The following KCNJ6 variants were observed in gnomAD, a reference collection of about 807,000 sequenced individuals.
The protein encoded by KCNJ6 is potassium inwardly rectifying channel subfamily J member 6, also known as G protein-activated inward rectifier potassium channel 2.
In KCNJ6, 9 loss-of-function variants were observed where a neutral mutation model predicts 34.2. That is an observed-to-expected ratio of 0.26 (90% confidence interval 0.16 to 0.46). The LOEUF (loss-of-function observed/expected upper bound fraction) is 0.46, where lower values mean the gene tolerates loss of function less well. Ranked by LOEUF, KCNJ6 falls within the 20% of genes least tolerant of loss-of-function variation. The pLI, the probability that KCNJ6 is intolerant of heterozygous loss-of-function variation, is 1.00. For synonymous variants in KCNJ6, 196 were observed against 207.1 expected, an observed-to-expected ratio of 0.95 and a Z score of 0.46; for missense variants, 236 against 531.3, an observed-to-expected ratio of 0.44 and a Z score of 5.46.
chr21:37,686,718 T>G (rs964452170), intron 3 of KCNJ6, among the ~76,000 whole-genome samples: 3 of 152,056 alleles, frequency 2.0e-5, no homozygotes, highest in Non-Finnish European at 2.9e-5. Context: ...CTGCCCACCC[T>G]GGCCTCCCAA....
chr21:37,729,762 G>A (rs2054874656), intron 2 of KCNJ6, among the ~76,000 whole-genome samples: 1 of 152,200 alleles, frequency 6.6e-6, no homozygotes, highest in Admixed American at 6.5e-5. Context: ...GGAGAAAGAG[G>A]GTGGAAACCT....
At chr21:37,660,048 G>A (rs1176292532) in intron 3 of KCNJ6, among the ~76,000 whole-genome samples, 1 of 152,262 alleles carries the variant, frequency 6.6e-6, no homozygotes, top group Non-Finnish European at 1.5e-5. Flanking sequence ...GCTGGAGGGA[G>A]GCTGCCCTGG....
intron 1 of KCNJ6, among the ~76,000 whole-genome samples, chr21:37,863,786 A>C (rs1266988758): frequency 1.3e-5 from 2 of 148,860 alleles, no homozygotes; most frequent in Non-Finnish European, 3.0e-5. Flanking sequence ...AAAATGCTCC[A>C]TGGCTCCTAA....
chr21:37,712,431 C>G (rs2054757872), intron 3 of KCNJ6, among the ~76,000 whole-genome samples: 1 of 151,712 alleles, frequency 6.6e-6, no homozygotes, highest in African/African-American at 2.4e-5. Flanking sequence ...TGAATTATTT[C>G]TCTTTCCTCC....
intron 1 of KCNJ6, among the ~76,000 whole-genome samples, chr21:37,910,233 A>G (rs1486095823): frequency 6.6e-6 from 1 of 152,168 alleles, no homozygotes; most frequent in Non-Finnish European, 1.5e-5. Flanking sequence ...GCAAAAATGG[A>G]CAGATACACC....
At chr21:37,887,536 A>G (rs2055741871) in intron 1 of KCNJ6, among the ~76,000 whole-genome samples, 1 of 152,182 alleles carries the variant, frequency 6.6e-6, no homozygotes. Flanking sequence ...GCCAGAAATA[A>G]CAGCTGTGTA....
chr21:37,629,595 A>G (rs2054325170), intron 3 of KCNJ6, among the ~76,000 whole-genome samples: 1 of 152,204 alleles, frequency 6.6e-6, no homozygotes, highest in African/African-American at 2.4e-5. Context: ...TTATGTGAAC[A>G]GAGGGAGGAG....
chr21:37,816,737 G>A (rs1381220918), intron 2 of KCNJ6, among the ~76,000 whole-genome samples: 3 of 152,152 alleles, frequency 2.0e-5, no homozygotes, highest in Admixed American at 1.3e-4. Context: ...GGATGGTGGG[G>A]ATGCATGCAG....
chr21:37,831,952 G>C (rs1029838541), intron 2 of KCNJ6, among the ~76,000 whole-genome samples: 4 of 152,154 alleles, frequency 2.6e-5, no homozygotes, highest in African/African-American at 9.7e-5. Context: ...GACAGTAGAA[G>C]GCACACTGAT....
At chr21:37,716,967 A>C (rs1339196724) in intron 2 of KCNJ6, 1 of 154,430 alleles carries the variant, frequency 6.5e-6, no homozygotes, top group African/African-American at 2.4e-5. Context: ...GTTAAAGGAC[A>C]AATGTCATCT....
chr21:37,682,194 A>G (rs79517420), intron 3 of KCNJ6, among the ~76,000 whole-genome samples: 1 of 152,070 alleles, frequency 6.6e-6, no homozygotes, highest in Admixed American at 6.5e-5. Flanking sequence ...ATTCCTTCCC[A>G]TTTCTGGAGG....
rs537041328 is a variant in KCNJ6, at chr21:37,857,387, A to G, written c.-27-16678T>C. Reference sequence around the variant, plus strand: ...ACCAATGTTTAGAGCAACAAGATGAAGATGTGGTACTGGCTATGAGAGCCT... The same window carrying G: ...ACCAATGTTTAGAGCAACAAGATGAGGATGTGGTACTGGCTATGAGAGCCT... On this transcript the variant is annotated intron_variant, in intron 1 of 3. Coordinates refer to ENST00000609713, the MANE Select transcript of KCNJ6 (RefSeq NM_002240.5). 5.9e-5 allele frequency among the ~76,000 whole-genome samples: 9 copies of G among 152,346 alleles called. No homozygotes were observed. In the South Asian group the frequency reaches 1.9e-3, roughly 32 times the overall value.
At chr21:37,663,320 T>C (rs1709821) in intron 3 of KCNJ6, among the ~76,000 whole-genome samples, 87,873 of 151,966 alleles carry the variant, frequency 0.58, 25,682 homozygotes, top group East Asian at 0.85. Flanking sequence ...TAATAAAAAT[T>C]CTGGATGTCA....
chr21:37,894,524 G>A (rs920636354), intron 1 of KCNJ6, among the ~76,000 whole-genome samples: 1 of 152,172 alleles, frequency 6.6e-6, no homozygotes, highest in East Asian at 1.9e-4. Context: ...AATTAGCTGG[G>A]TATGGTGGTG....
chr21:37,862,531 C>T (rs959789496), intron 1 of KCNJ6, among the ~76,000 whole-genome samples: 14 of 152,290 alleles, frequency 9.2e-5, no homozygotes, highest in Admixed American at 2.6e-4. Context: ...TAATATATCA[C>T]GAAAAAGCCT....
intron 1 of KCNJ6, among the ~76,000 whole-genome samples, chr21:37,878,995 C>A (rs1411014071): frequency 6.6e-6 from 1 of 152,190 alleles, no homozygotes; most frequent in Non-Finnish European, 1.5e-5. Flanking sequence ...TATTGATCAT[C>A]ATTCACGCCT....
At chr21:37,636,599 G>T (rs571564708) in intron 3 of KCNJ6, among the ~76,000 whole-genome samples, 1 of 152,314 alleles carries the variant, frequency 6.6e-6, no homozygotes, top group South Asian at 2.1e-4. Flanking sequence ...GAGGGGAAGG[G>T]AGTGCGTGTT....
In KCNJ6 at chr21:37,630,134, C is replaced by CTGTGTGTGTGTGTGTGTGTGTGTG. The variant is rs10527592; in HGVS notation, c.947-4674_947-4651dup. 9.1e-3 allele frequency among the ~76,000 whole-genome samples: 1,318 copies of CTGTGTGTGTGTGTGTGTGTGTGTG among 144,218 alleles called. 24 individuals are homozygous for CTGTGTGTGTGTGTGTGTGTGTGTG. Among genetic ancestry groups the CTGTGTGTGTGTGTGTGTGTGTGTG allele is most frequent in the East Asian group, 0.042 (198 of 4,706 alleles). 94.6% of individuals were successfully genotyped at this position (144,218 alleles called of 152,430 possible). On this transcript the variant is annotated intron_variant, in intron 3 of 3. Transcript: ENST00000609713. Reference sequence around the variant, plus strand: ...AGGCAGAACTGCCAAGATGACATCTCTGTGTGTGTGTGTGTGTGTGTGTGG... The same window carrying CTGTGTGTGTGTGTGTGTGTGTGTG: ...AGGCAGAACTGCCAAGATGACATCTCTGTGTGTGTGTGTGTGTGTGTGTGTGTGTGTGTGTGTGTGTGTGTGTGG...
rs367643287 is a variant in KCNJ6 at position 37,738,729 on chromosome 21, G to C, written c.26-23598C>G. On this transcript the variant is annotated intron_variant, in intron 2 of 3. Transcript: ENST00000609713. ...TGTTCTTTAAACATATTCTCAGCTG[G>C]ACCAGAAGAGATTTGGTTTGTGTGT... 9.5e-4 allele frequency among the ~76,000 whole-genome samples: 145 copies of C among 152,248 alleles called. 1 individual carries two copies. In the South Asian group the frequency reaches 0.029, roughly 31 times the overall value.
Sources: allele counts gnomAD v4.1 joint callset (sites outside exome capture counted in the v4.1 genomes callset), GRCh38; gene constraint gnomAD v4.1.1; transcripts MANE v1.5; gene names NCBI Gene and HGNC (gene_info 2026-07-23, HGNC 2026-07-21).